Variants in GLMN observed in about 807,000 individuals in gnomAD.
GLMN encodes the protein glomulin.
A neutral mutation model predicts 87.8 loss-of-function variants in GLMN; 75 were observed. The ratio of observed to expected loss-of-function variants is 0.85; its 90% confidence interval spans 0.71 to 1.04. The LOEUF (loss-of-function observed/expected upper bound fraction) is 1.04, where lower values mean the gene tolerates loss of function less well. Among genes scored for constraint, GLMN ranks in the 50% least tolerant of loss-of-function variants. GLMN has a pLI of 0.00. For missense variants in GLMN, 588 were observed against 658.8 expected (o/e 0.89, Z 1.18); for synonymous variants, 206 against 221.6 (o/e 0.93, Z 0.63).
At position 92,298,926 on chromosome 1, in the gene GLMN, G is replaced by T. The variant is rs1208407534; in HGVS notation, c.-32C>A. ...GAACCTCTCCACAACTCCACTTACC[G>T]GCCAGAACCCTCGCCTCTCCCAGCC... On this transcript the variant is annotated splice_region_variant and 5_prime_UTR_variant, in exon 1 of 19. Transcript: ENST00000370360. 2 of 474,348 alleles carry T rather than the reference G, an allele frequency of 4.2e-6. No homozygotes were observed. The highest frequency in any genetic ancestry group is 3.6e-5 in the South Asian group (1 of 27,722). 29.4% of individuals were successfully genotyped at this position (474,348 alleles called of 1,614,324 possible).
the GLMN span, among the ~76,000 whole-genome samples, chr1:92,324,918 T>A: frequency 6.6e-6 from 1 of 152,230 alleles, no homozygotes; most frequent in East Asian, 1.9e-4. Flanking sequence ...GAACATCTGT[T>A]GTGTCATTTA....
At chr1:92,294,804 G>A (rs536558907) in intron 3 of GLMN, among the ~76,000 whole-genome samples, 34 of 152,158 alleles carry the variant, frequency 2.2e-4, no homozygotes, top group African/African-American at 8.0e-4. Flanking sequence ...TCAGTCTCCC[G>A]AGTAGCTGGG....
At chr1:92,353,472 G>A in the GLMN span, among the ~76,000 whole-genome samples, 1 of 152,084 alleles carries the variant, frequency 6.6e-6, no homozygotes, top group Admixed American at 6.5e-5. Context: ...AATTTCTTAT[G>A]TTTTAGGAAT....
At chr1:92,316,762 A>C in the GLMN span, among the ~76,000 whole-genome samples, 1 of 152,228 alleles carries the variant, frequency 6.6e-6, no homozygotes, top group Middle Eastern at 3.2e-3. Flanking sequence ...TTTGGATTTC[A>C]TCTAAGAAAG....
rs754467868 is a variant in GLMN at position 92,246,638 on chromosome 1, A to G, written c.1677T>C (p.His559=). The G allele has an allele frequency of 2.0e-6, 3 of 1,530,176 alleles. No homozygotes were observed. The highest frequency in any genetic ancestry group is 2.7e-6 in the Non-Finnish European group (3 of 1,103,288). 94.8% of individuals were successfully genotyped at this position (1,530,176 alleles called of 1,614,324 possible). A position where few individuals can be genotyped will look rare whatever the true frequency, so the allele number is the denominator to read the frequency against. Residue 559 remains histidine (H), a synonymous_variant, in exon 19 of 19, where the codon CAT becomes CAC. Coordinates refer to ENST00000370360, the MANE Select transcript of GLMN (RefSeq NM_053274.3). ...MPPEMQLKVL[H]SALFTFDLIE... ...TCAAATCAAATGTGAAAAGAGCTGA[A>G]TGCAGGACCTGCAATGCCAAGAAAA...
intron 17 of GLMN, 100 bp downstream of exon 17, chr1:92,247,778 A>C (rs1022056124): frequency 1.1e-5 from 8 of 696,466 alleles, no homozygotes; most frequent in South Asian, 3.0e-5. Flanking sequence ...ATGGTCTCTA[A>C]AGTACAAGAT....
chr1:92,328,768 G>A, the GLMN span, among the ~76,000 whole-genome samples: 1 of 152,084 alleles, frequency 6.6e-6, no homozygotes. Flanking sequence ...TTCTCATTTG[G>A]GTAGACTGTG....
the GLMN span, chr1:92,323,527 CA>C: frequency 1.2e-6 from 2 of 1,613,650 alleles, no homozygotes; most frequent in South Asian, 2.2e-5. Flanking sequence ...CTTTGAAAAG[CA>C]ATATGAATCT....
intron 7 of GLMN, among the ~76,000 whole-genome samples, chr1:92,278,783 T>A (rs941221275): frequency 6.6e-6 from 1 of 152,162 alleles, no homozygotes; most frequent in African/African-American, 2.4e-5. Context: ...TCACATGGCT[T>A]TCCAACATTA....
At chr1:92,274,434 T>C (rs1021753044) in intron 7 of GLMN, among the ~76,000 whole-genome samples, 121 of 152,296 alleles carry the variant, frequency 7.9e-4, no homozygotes, top group African/African-American at 2.7e-3. Context: ...GCAGATAACA[T>C]ACTGTCCTTT....
intron 7 of GLMN, among the ~76,000 whole-genome samples, chr1:92,279,077 C>G (rs1236527722): frequency 1.0e-5 from 1 of 95,442 alleles, no homozygotes; most frequent in Non-Finnish European, 2.0e-5. Flanking sequence ...ATCCAATCAC[C>G]TTTTCACTGT....
chr1:92,326,710 G>T, the GLMN span, among the ~76,000 whole-genome samples: 44 of 152,220 alleles, frequency 2.9e-4, no homozygotes, highest in Non-Finnish European at 5.0e-4. Flanking sequence ...CCTCTGCTGT[G>T]TCATGCAGGT....
chr1:92,269,917 C>T (rs1656060321), intron 8 of GLMN, 141 bp from the exon 9 acceptor site: 4 of 640,390 alleles, frequency 6.2e-6, no homozygotes, highest in South Asian at 5.2e-5. Context: ...CAGAATTTGA[C>T]CTTATTTGGA....
chr1:92,308,538 T>C, the GLMN span, among the ~76,000 whole-genome samples: 1 of 152,238 alleles, frequency 6.6e-6, no homozygotes, highest in African/African-American at 2.4e-5. Flanking sequence ...TCTCTACATC[T>C]TAAATTTAAC....
chr1:92,300,975 G>A (rs1295256445), upstream of GLMN, among the ~76,000 whole-genome samples: 1 of 152,204 alleles, frequency 6.6e-6, no homozygotes, highest in Non-Finnish European at 1.5e-5. Context: ...GGAAAAGACT[G>A]TGATGTTACG....
the GLMN span, chr1:92,307,184 T>C: frequency 3.1e-4 from 493 of 1,603,328 alleles, 4 homozygotes; most frequent in South Asian, 3.8e-3. Context: ...AATGTTCTTT[T>C]CAGTCTTTTT....
the GLMN span, chr1:92,346,007 C>CT: frequency 1.2e-6 from 1 of 863,478 alleles, no homozygotes; most frequent in Non-Finnish European, 1.9e-6. Flanking sequence ...TGTAAACTGC[C>CT]TTGGAAAATA....
the GLMN span, among the ~76,000 whole-genome samples, chr1:92,314,554 A>G: frequency 6.6e-6 from 1 of 152,058 alleles, no homozygotes; most frequent in Non-Finnish European, 1.5e-5. Flanking sequence ...GTTCAAGACC[A>G]GCCTGGCCAA....
rs10718329 is a variant in GLMN at position 92,267,703 on chromosome 1, CA to C, written c.1098+209del. Reference sequence around the variant, plus strand: ...TGGGCGACACAGCAAGACTACACCTCAAAAAAAAAAAAAATAGTTCCTTAGT... The same window carrying C: ...TGGGCGACACAGCAAGACTACACCTCAAAAAAAAAAAAATAGTTCCTTAGT... On this transcript the variant is annotated intron_variant, in intron 11 of 18. Transcript: ENST00000370360. Among the ~76,000 whole-genome samples the C allele has an allele frequency of 0.49, 70,057 of 142,660 alleles. 17,249 individuals are homozygous for C. Among genetic ancestry groups the C allele is most frequent in the East Asian group, 0.96 (4,740 of 4,934 alleles). The allele number at this position is 142,660 out of a possible 152,430, so 93.6% of individuals were successfully genotyped here. A position where few individuals can be genotyped will look rare whatever the true frequency, so the allele number is the denominator to read the frequency against.
Sources: gnomAD v4.1 joint callset for allele counts (sites outside exome capture counted in the v4.1 genomes callset) on GRCh38, gnomAD v4.1.1 for gene constraint, MANE v1.5 for transcripts, NCBI Gene and HGNC (gene_info 2026-07-23, HGNC 2026-07-21) for gene names.